PTN: variants seen among roughly 807,000 people sequenced by gnomAD.
PTN encodes the protein pleiotrophin, also known as heparin affin regulatory protein.
Under a neutral mutation model 24.1 loss-of-function variants are expected in PTN, and 18 were observed. That is an observed-to-expected ratio of 0.75 (90% CI 0.52 to 1.11). PTN has a LOEUF of 1.11. PTN is among the 50% of genes least tolerant of loss of function. The pLI is 0.00. For missense variants in PTN, 163 were observed against 198.8 expected, an observed-to-expected ratio of 0.82 and a Z score of 1.08; for synonymous variants, 78 against 68.6, an observed-to-expected ratio of 1.14 and a Z score of -0.67.
Position 137,260,860 on chromosome 7 carries a change from G to T in PTN, c.-1-5886C>A, listed in dbSNP as rs562471259. Among the ~76,000 whole-genome samples, 6 of 152,198 alleles carry T rather than the reference G, an allele frequency of 3.9e-5. No individual in the cohort carries two copies. In the East Asian group the frequency reaches 1.2e-3, roughly 29 times the overall value. Reference sequence around the variant, plus strand: ...CATTGGTACTTAATGAGTATGGATGGGGGTTGCAAAATGGTGATATTCTCA... The same window carrying T: ...CATTGGTACTTAATGAGTATGGATGTGGGTTGCAAAATGGTGATATTCTCA... On this transcript the variant is annotated intron_variant, in intron 1 of 4. Coordinates refer to ENST00000348225, the MANE Select transcript of PTN (RefSeq NM_002825.7).
intron 4 of PTN, among the ~76,000 whole-genome samples, chr7:137,239,578 G>A (rs1808590051): frequency 6.6e-6 from 1 of 151,602 alleles, no homozygotes; most frequent in South Asian, 2.1e-4. Context: ...AGTCCCCAGA[G>A]TGTGATGTTT....
At chr7:137,233,983 T>TAC (rs1008641389) in intron 4 of PTN, among the ~76,000 whole-genome samples, 3 of 151,164 alleles carry the variant, frequency 2.0e-5, no homozygotes, top group Admixed American at 6.6e-5. Context: ...TGTATATATA[T>TAC]ACACACACAC....
At chr7:137,338,979 G>T (rs1222245218) in intron 1 of PTN, among the ~76,000 whole-genome samples, 1 of 151,948 alleles carries the variant, frequency 6.6e-6, no homozygotes, top group Non-Finnish European at 1.5e-5. Flanking sequence ...AGAGAGGAAG[G>T]CGGGAAACTG....
At chr7:137,341,665 C>T (rs923782621) in intron 1 of PTN, among the ~76,000 whole-genome samples, 1 of 152,084 alleles carries the variant, frequency 6.6e-6, no homozygotes, top group African/African-American at 2.4e-5. Flanking sequence ...AACACAGCAC[C>T]TAATGCTGTT....
At chr7:137,228,408 T>C in intron 4 of PTN, among the ~76,000 whole-genome samples, 1 of 151,782 alleles carries the variant, frequency 6.6e-6, no homozygotes, top group East Asian at 1.9e-4. Context: ...GGGGTCCTGC[T>C]TAGAAAATAG....
At chr7:137,302,097 A>G (rs182217058) in intron 1 of PTN, among the ~76,000 whole-genome samples, 1 of 152,150 alleles carries the variant, frequency 6.6e-6, no homozygotes, top group East Asian at 1.9e-4. Flanking sequence ...AAGAAAGTAA[A>G]CCCTAATAAG....
rs1274426836 is a variant in PTN at position 137,253,553 on chromosome 7, C to T, written c.200G>A (p.Arg67Gln). ...CTCAGCTCCAGTCCGAGTGCCCTCCCGTGTGCCCAGCCCACAGTCTCCACT... is the reference window on the plus strand; with the variant it reads ...CTCAGCTCCAGTCCGAGTGCCCTCCTGTGTGCCCAGCCCACAGTCTCCACT... Reference protein sequence around the residue: ...PTSGDCGLGTREGTRTGAECK... With the variant: ...PTSGDCGLGTQEGTRTGAECK... The change falls in exon 3 of 5, where the codon CGG becomes CAG. Residue 67 changes from arginine (R) to glutamine (Q), a missense_variant. Transcript: ENST00000348225. The T allele has an allele frequency of 3.7e-6, 6 of 1,612,380 alleles. No individual in the cohort carries two copies. Among genetic ancestry groups the T allele is most frequent in the East Asian group, 4.5e-5 (2 of 44,862 alleles).
chr7:137,249,420 A>G (rs1274668262), intron 4 of PTN, among the ~76,000 whole-genome samples: 2 of 152,010 alleles, frequency 1.3e-5, no homozygotes, highest in South Asian at 2.1e-4. Flanking sequence ...CAATTTTTAA[A>G]CTACTGATGC....
At chr7:137,300,758 T>A (rs1809794195) in intron 1 of PTN, among the ~76,000 whole-genome samples, 1 of 151,916 alleles carries the variant, frequency 6.6e-6, no homozygotes. Flanking sequence ...TCAAATTCTC[T>A]TCACAGAGCT....
intron 1 of PTN, among the ~76,000 whole-genome samples, chr7:137,313,289 A>G (rs1163507605): frequency 6.6e-6 from 1 of 152,160 alleles, no homozygotes; most frequent in Non-Finnish European, 1.5e-5. Context: ...AAACTTTTAA[A>G]AAGAAATAAC....
At chr7:137,236,778 G>A (rs958008072) in intron 4 of PTN, among the ~76,000 whole-genome samples, 1 of 152,024 alleles carries the variant, frequency 6.6e-6, no homozygotes, top group African/African-American at 2.4e-5. Context: ...ATAAACTATT[G>A]TAAATTAGAA....
chr7:137,255,071 C>A (rs1808897560), intron 1 of PTN, 97 bp from the exon 2 acceptor site: 2 of 755,816 alleles, frequency 2.6e-6, no homozygotes, highest in Non-Finnish European at 3.9e-6. Flanking sequence ...CTTTCCATTT[C>A]TGGAATGTTA....
intron 1 of PTN, among the ~76,000 whole-genome samples, chr7:137,313,720 A>G (rs1157270583): frequency 6.6e-6 from 1 of 152,218 alleles, no homozygotes; most frequent in Non-Finnish European, 1.5e-5. Context: ...TCACATGAGT[A>G]ACTAATCTGA....
At chr7:137,308,923 G>T (rs1809933490) in intron 1 of PTN, among the ~76,000 whole-genome samples, 1 of 152,122 alleles carries the variant, frequency 6.6e-6, no homozygotes, top group Non-Finnish European at 1.5e-5. Flanking sequence ...AACCTAACAG[G>T]TTCACTTATT....
intron 1 of PTN, among the ~76,000 whole-genome samples, chr7:137,300,575 A>G (rs1221691933): frequency 2.0e-5 from 3 of 151,922 alleles, no homozygotes; most frequent in Non-Finnish European, 4.4e-5. Flanking sequence ...TTTCAGACAC[A>G]GTAAAGCCTG....
intron 4 of PTN, among the ~76,000 whole-genome samples, chr7:137,241,643 T>G (rs1157862829): frequency 6.6e-6 from 1 of 152,208 alleles, no homozygotes; most frequent in Non-Finnish European, 1.5e-5. Context: ...ACAAAATAGG[T>G]ATCATTCTAC....
chr7:137,278,634 A>G (rs1412436429), intron 1 of PTN, among the ~76,000 whole-genome samples: 1 of 151,848 alleles, frequency 6.6e-6, no homozygotes, highest in East Asian at 1.9e-4. Flanking sequence ...CAAACAACAA[A>G]CTTTCAAAAT....
chr7:137,311,753 T>C lies in PTN; in HGVS notation c.-2+31686A>G, dbSNP rs549518974. 3.9e-4 allele frequency among the ~76,000 whole-genome samples: 59 copies of C among 152,180 alleles called. 3 individuals are homozygous for C. The highest frequency in any genetic ancestry group is 1.4e-3 in the African/African-American group (59 of 41,486). On this transcript the variant is annotated intron_variant, in intron 1 of 4. Transcript: ENST00000348225. ...AGTTCGCCATCTTATACAGGTGTAGTTCATGATACCCCAAAACAATTACAA... is the reference window on the plus strand; with the variant it reads ...AGTTCGCCATCTTATACAGGTGTAGCTCATGATACCCCAAAACAATTACAA...
intron 1 of PTN, among the ~76,000 whole-genome samples, chr7:137,335,930 T>C (rs1346199407): frequency 3.4e-3 from 187 of 55,386 alleles, no homozygotes; most frequent in South Asian, 0.012. Flanking sequence ...TCTTCTCGCT[T>C]TTTTTTTTTT....
Sources: allele counts gnomAD v4.1 joint callset (sites outside exome capture counted in the v4.1 genomes callset), GRCh38; gene constraint gnomAD v4.1.1; transcripts MANE v1.5; gene names NCBI Gene and HGNC (gene_info 2026-07-23, HGNC 2026-07-21).